Variants in CD163L1 observed in about 807,000 individuals in gnomAD.
CD163L1 encodes the protein CD163 molecule like 1.
Under a neutral mutation model 165.4 loss-of-function variants are expected in CD163L1, and 124 were observed. The ratio of observed to expected loss-of-function variants is 0.75; its 90% confidence interval spans 0.65 to 0.87. The LOEUF (loss-of-function observed/expected upper bound fraction) is 0.87, where lower values mean the gene tolerates loss of function less well. Ranked by LOEUF, CD163L1 falls within the 40% of genes least tolerant of loss-of-function variation. The pLI is 0.00. For synonymous variants in CD163L1, 585 were observed against 662.2 expected (o/e 0.88, Z 1.79); for missense variants, 1,525 against 1,799.9 (o/e 0.85, Z 2.76).
At chr12:7,414,399 T>C (rs1005125079) in intron 4 of CD163L1, among the ~76,000 whole-genome samples, 1 of 152,024 alleles carries the variant, frequency 6.6e-6, no homozygotes, top group African/African-American at 2.4e-5. Context: ...GAAAGACAGA[T>C]AACTTGAAAT....
At chr12:7,364,854 A>C (rs1426209749) in intron 18 of CD163L1, among the ~76,000 whole-genome samples, 1 of 152,120 alleles carries the variant, frequency 6.6e-6, no homozygotes, top group Non-Finnish European at 1.5e-5. Context: ...AAATACCCAA[A>C]GCAATTTACG....
intron 2 of CD163L1, chr12:7,439,772 C>T (rs1425429013): frequency 6.2e-7 from 1 of 1,613,448 alleles, no homozygotes; most frequent in East Asian, 2.2e-5. Context: ...TAAAGAATTT[C>T]ACCCCCCTCG....
the CD163L1 span, among the ~76,000 whole-genome samples, chr12:7,319,539 G>A: frequency 4.8e-5 from 7 of 146,564 alleles, no homozygotes; most frequent in Non-Finnish European, 1.0e-4. Context: ...GCAGTGAGCC[G>A]AGATCACACT....
rs141946218 is a variant in CD163L1, at chr12:7,392,230, G to C, written c.2050+3865C>G. Among the ~76,000 whole-genome samples, 380 of 152,260 alleles carry C rather than the reference G, an allele frequency of 2.5e-3. 2 individuals are homozygous for C. The highest frequency in any genetic ancestry group is 8.9e-3 in the African/African-American group (369 of 41,536). On this transcript the variant is annotated intron_variant, in intron 8 of 19. Coordinates refer to ENST00000313599, the MANE Select transcript of CD163L1 (RefSeq NM_174941.6). Reference sequence around the variant, plus strand: ...AGAAATCACAACAAACAGTCTCTCAGACCACAGCGCAATCAAATTAGAACT... The same window carrying C: ...AGAAATCACAACAAACAGTCTCTCACACCACAGCGCAATCAAATTAGAACT...
At chr12:7,421,601 GTACACATATACATATA>G (rs1948427307) in intron 4 of CD163L1, among the ~76,000 whole-genome samples, 4 of 10,136 alleles carry the variant, frequency 3.9e-4, no homozygotes, top group African/African-American at 6.3e-4. Context: ...ATACATATAT[GTACACATATACATATA>G]TGTACATATA....
At chr12:7,440,923 G>T (rs757189911) in intron 2 of CD163L1, among the ~76,000 whole-genome samples, 1 of 152,134 alleles carries the variant, frequency 6.6e-6, no homozygotes, top group Non-Finnish European at 1.5e-5. Flanking sequence ...CACTGTGCCC[G>T]GCCGGATTTG....
At chr12:7,406,347 C>A (rs1948013991) in intron 5 of CD163L1, among the ~76,000 whole-genome samples, 185 bp downstream of exon 5, 1 of 152,154 alleles carries the variant, frequency 6.6e-6, no homozygotes, top group South Asian at 2.1e-4. Flanking sequence ...ATGTAATATG[C>A]TGCATAAAAT....
At chr12:7,440,827 G>C (rs1948822455) in intron 2 of CD163L1, among the ~76,000 whole-genome samples, 1 of 151,906 alleles carries the variant, frequency 6.6e-6, no homozygotes, top group Non-Finnish European at 1.5e-5. Context: ...TGGTTTCACT[G>C]TGTTGGCCAG....
the CD163L1 span, chr12:7,327,163 T>C: frequency 6.8e-7 from 1 of 1,469,684 alleles, no homozygotes; most frequent in South Asian, 1.4e-5. Context: ...AATTAGATTT[T>C]ACTGGATTTT....
At chr12:7,335,596 G>C in the CD163L1 span, among the ~76,000 whole-genome samples, 1 of 152,128 alleles carries the variant, frequency 6.6e-6, no homozygotes. Context: ...ACATAGGCAT[G>C]GGCAAGGACT....
chr12:7,393,060 T>C (rs778200768), intron 8 of CD163L1, among the ~76,000 whole-genome samples: 1 of 152,202 alleles, frequency 6.6e-6, no homozygotes, highest in African/African-American at 2.4e-5. Flanking sequence ...GAATCCTCCC[T>C]AACTCATTTT....
At position 7,398,671 on chromosome 12, in the gene CD163L1, A is replaced by G; in HGVS notation, c.1409-87T>C. On this transcript the variant is annotated intron_variant, in intron 6 of 19. Transcript: ENST00000313599. This position sits in a 1 kb window ranked among gnomAD's most constrained non-coding sequence, Gnocchi z 4.5. ...AAAGACTCTCTAAATTCACGACTAT[A>G]AGGCTTTGCCTAACAGGTGATATAT... 2 of 1,178,772 alleles carry G rather than the reference A, an allele frequency of 1.7e-6. No individual in the cohort carries two copies. The highest frequency in any genetic ancestry group is 1.9e-5 in the South Asian group (1 of 52,018). 73.0% of individuals were successfully genotyped at this position (1,178,772 alleles called of 1,614,324 possible).
At chr12:7,345,548 A>G (rs1946664353), downstream of CD163L1, among the ~76,000 whole-genome samples, 1 of 152,132 alleles carries the variant, frequency 6.6e-6, no homozygotes. Context: ...AAACTTTCCC[A>G]CATCTTCCTA....
At chr12:7,331,747 A>G in the CD163L1 span, among the ~76,000 whole-genome samples, 150,458 of 152,306 alleles carry the variant, frequency 0.99, 74,338 homozygotes, top group Middle Eastern at 1. Flanking sequence ...GAAAACTAAC[A>G]AACAGAAAGG....
chr12:7,367,192 T>C (rs1309162063), intron 18 of CD163L1, 44 bp downstream of exon 18: 4 of 1,233,578 alleles, frequency 3.2e-6, no homozygotes, highest in Non-Finnish European at 3.5e-6. Context: ...TTTCCTCATA[T>C]TCCCACCCTC....
At chr12:7,367,152 T>C (rs1947039211) in intron 18 of CD163L1, 84 bp downstream of exon 18, 1 of 721,492 alleles carries the variant, frequency 1.4e-6, no homozygotes. Context: ...CACATCTCCA[T>C]CGAGTGGGAG....
chr12:7,351,753 C>T (rs1194080646), downstream of CD163L1, among the ~76,000 whole-genome samples: 1 of 152,074 alleles, frequency 6.6e-6, no homozygotes, highest in South Asian at 2.1e-4. Context: ...TGGAAAGGTG[C>T]CTGATTCTAG....
At chr12:7,396,614 C>A (rs887337223) in intron 7 of CD163L1, among the ~76,000 whole-genome samples, 199 bp from the exon 8 acceptor site, 1 of 152,042 alleles carries the variant, frequency 6.6e-6, no homozygotes, top group Non-Finnish European at 1.5e-5. Context: ...CGTGGGTGGG[C>A]CTCATCCAAT....
the CD163L1 span, chr12:7,328,371 T>C: frequency 8.2e-6 from 13 of 1,583,498 alleles, no homozygotes; most frequent in African/African-American, 1.3e-5. Flanking sequence ...GAGAGGAAGA[T>C]AGTTTGATAA....
Sources: allele counts gnomAD v4.1 joint callset (sites outside exome capture counted in the v4.1 genomes callset), GRCh38; gene constraint gnomAD v4.1.1; non-coding constraint Gnocchi (gnomAD v3.1); transcripts MANE v1.5; gene names NCBI Gene and HGNC (gene_info 2026-07-23, HGNC 2026-07-21).